The following ARHGAP35 variants were observed in gnomAD, a reference collection of about 807,000 sequenced individuals.
ARHGAP35 encodes the protein rho GTPase-activating protein 35.
In ARHGAP35, 15 loss-of-function variants were observed where a neutral mutation model predicts 111.1. The observed-to-expected ratio is 0.13, with a 90% confidence interval of 0.09 to 0.21. The LOEUF is 0.21. ARHGAP35 is among the 10% of genes least tolerant of loss of function. The probability of loss-of-function intolerance (pLI) is 1.00; values close to 1 mark genes in which losing one functional copy is unlikely to be tolerated. For synonymous variants in ARHGAP35, 643 were observed against 710.3 expected (o/e 0.91, Z 1.51); for missense variants, 1,262 against 1,873.0 (o/e 0.67, Z 6.02).
Position 46,989,767 on chromosome 19 carries a change from G to A in ARHGAP35, c.4036+92G>A. The A allele has an allele frequency of 1.3e-6, 2 of 1,574,258 alleles. No individual in the cohort carries two copies. The highest frequency in any genetic ancestry group is 1.7e-6 in the Non-Finnish European group (2 of 1,157,818). ...CCTGCCCTCAGAATGGATGCTGGCT[G>A]TTAGAGCTGAGGTTTGAAGGACAGA... On this transcript the variant is annotated intron_variant, in intron 5 of 6. Transcript: ENST00000672722. This position sits in a 1 kb window ranked among gnomAD's most constrained non-coding sequence, Gnocchi z 5.3.
chr19:46,953,429 C>T (rs753874360), intron 3 of ARHGAP35, among the ~76,000 whole-genome samples: 2 of 152,140 alleles, frequency 1.3e-5, no homozygotes, highest in East Asian at 1.9e-4. Flanking sequence ...CAAGTGCAAA[C>T]GTCCAGAGGC....
chr19:46,973,498 G>C (rs1413960031), intron 3 of ARHGAP35, among the ~76,000 whole-genome samples: 2 of 152,040 alleles, frequency 1.3e-5, no homozygotes, highest in Non-Finnish European at 1.5e-5. Context: ...GACTATCCTG[G>C]CTAACACAGT....
chr19:46,861,900 C>G (rs1009176567), intron 1 of ARHGAP35, among the ~76,000 whole-genome samples: 2 of 129,262 alleles, frequency 1.5e-5, no homozygotes, highest in South Asian at 4.9e-4. Context: ...GAATCCCGTT[C>G]CCTCGTGGGC....
At chr19:46,964,473 G>A (rs1221973087) in intron 3 of ARHGAP35, among the ~76,000 whole-genome samples, 1 of 152,134 alleles carries the variant, frequency 6.6e-6, no homozygotes, top group Non-Finnish European at 1.5e-5. Context: ...GCCCAAGCTG[G>A]TCTTGAACTC....
At chr19:46,987,375 C>T (rs556559818) in intron 3 of ARHGAP35, among the ~76,000 whole-genome samples, 1 of 151,758 alleles carries the variant, frequency 6.6e-6, no homozygotes, top group East Asian at 1.9e-4. Flanking sequence ...ACCACCACAC[C>T]CAGCTGATTT....
At chr19:46,887,544 A>G (rs2122145417) in intron 1 of ARHGAP35, among the ~76,000 whole-genome samples, 1 of 152,276 alleles carries the variant, frequency 6.6e-6, no homozygotes, top group East Asian at 1.9e-4. Context: ...TGTGACTAGC[A>G]AGAGCTTCCA....
chr19:46,946,942 T>C (rs1418401333), intron 3 of ARHGAP35: 1 of 152,218 alleles, frequency 6.6e-6, no homozygotes, highest in East Asian at 1.9e-4. Flanking sequence ...TGGGGTATCA[T>C]TGCCTGCACT....
intron 1 of ARHGAP35, among the ~76,000 whole-genome samples, chr19:46,877,361 G>A (rs1329729982): frequency 2.0e-5 from 3 of 151,594 alleles, no homozygotes; most frequent in Admixed American, 6.6e-5. Context: ...TCAGGAGTTC[G>A]AGACCAGCCT....
Position 47,002,321 on chromosome 19 carries a change from T to A in ARHGAP35, c.*1633T>A, listed in dbSNP as rs2056752770. On this transcript the variant is annotated 3_prime_UTR_variant, in exon 7 of 7. Transcript: ENST00000672722. ...CAGTGGTTGGAGACGGGAGTGGCCC[T>A]TCGGCTCCCGAGCTCCCTCTGGGGA... 1 of 152,740 alleles carries A rather than the reference T, an allele frequency of 6.5e-6. No individual in the cohort carries two copies. Among genetic ancestry groups the A allele is most frequent in the Admixed American group, 6.5e-5 (1 of 15,292 alleles). The allele number at this position is 152,740 out of a possible 1,614,324, so 9.5% of individuals were successfully genotyped here. A position where few individuals can be genotyped will look rare whatever the true frequency, so the allele number is the denominator to read the frequency against.
rs1599823786 is a variant in ARHGAP35, at chr19:46,926,104, A to T, written c.3681+3748A>T. 6.6e-6 allele frequency among the ~76,000 whole-genome samples: 1 copy of T among 152,304 alleles called. No individual in the cohort carries two copies. The highest frequency in any genetic ancestry group is 2.4e-5 in the African/African-American group (1 of 41,568). ...CCCTAGCAACCACCCTAACAAAAAA[A>T]TAGCTATGCTCTGGGTACCAATGTG... is the stretch of plus-strand genomic sequence containing the variant. On this transcript the variant is annotated intron_variant, in intron 2 of 6. Coordinates refer to ENST00000672722, the MANE Select transcript of ARHGAP35 (RefSeq NM_004491.5). This position sits in a 1 kb window ranked among gnomAD's most constrained non-coding sequence, Gnocchi z 4.1.
intron 1 of ARHGAP35, among the ~76,000 whole-genome samples, chr19:46,894,083 C>T (rs952874270): frequency 6.6e-6 from 1 of 151,976 alleles, no homozygotes; most frequent in African/African-American, 2.4e-5. Context: ...TTTTTAAGCA[C>T]AACTCTCTCC....
At chr19:46,902,235 G>A (rs1328908854) in intron 1 of ARHGAP35, among the ~76,000 whole-genome samples, 2 of 152,154 alleles carry the variant, frequency 1.3e-5, no homozygotes, top group Admixed American at 6.6e-5. Flanking sequence ...AAGTAGTAGA[G>A]GCAGCCTTTA....
intron 2 of ARHGAP35, among the ~76,000 whole-genome samples, chr19:46,924,605 G>A (rs2056228044): frequency 6.6e-6 from 1 of 152,230 alleles, no homozygotes; most frequent in Non-Finnish European, 1.5e-5. Flanking sequence ...CCTGTGGAAA[G>A]CATTGCTTAT....
intron 2 of ARHGAP35, among the ~76,000 whole-genome samples, chr19:46,932,712 CAAG>C (rs2056280084): frequency 6.6e-6 from 1 of 152,118 alleles, no homozygotes; most frequent in Non-Finnish European, 1.5e-5. Context: ...TCAGTTATCT[CAAG>C]GAGGTATTCT....
Position 46,922,141 on chromosome 19 carries a change from G to A in ARHGAP35, c.3466G>A (p.Val1156Met), listed in dbSNP as rs1232055485. The change falls in exon 2 of 7, where the codon GTG (valine) becomes ATG (methionine). Residue 1156 changes from valine (V) to methionine (M), a missense_variant. Physicochemically the swap from Val to Met is conservative, Grantham distance 21. This residue lies in a region of ARHGAP35 where 579 missense variants were observed against 716.9 expected (regional missense o/e 0.81). Transcript: ENST00000672722. This position sits in a 1 kb window ranked among gnomAD's most constrained non-coding sequence, Gnocchi z 4.0. ...GRKVSIVSKPVLYRTRCTRLG... is the reference protein window; with the variant it reads ...GRKVSIVSKPMLYRTRCTRLG... ...CAAGGTTTCCATCGTGAGCAAGCCAGTGCTGTACAGGACGAGATGCACCCG... is the reference window on the plus strand; with the variant it reads ...CAAGGTTTCCATCGTGAGCAAGCCAATGCTGTACAGGACGAGATGCACCCG... The A allele has an allele frequency of 3.1e-6, 5 of 1,613,916 alleles. No individual in the cohort carries two copies. In the South Asian group the frequency reaches 4.4e-5, roughly 14 times the overall value.
intron 3 of ARHGAP35, among the ~76,000 whole-genome samples, chr19:46,960,125 AAAG>A (rs1228440374): frequency 4.9e-4 from 74 of 151,496 alleles, no homozygotes; most frequent in African/African-American, 1.6e-3. Context: ...AAAAAAAAAA[AAAG>A]AAAGAAAGAA....
Position 46,929,790 on chromosome 19 carries a change from G to A in ARHGAP35, c.3681+7434G>A, listed in dbSNP as rs190813694. On this transcript the variant is annotated intron_variant, in intron 2 of 6. Transcript: ENST00000672722. ...TAGCCGGGCTTGGTGGCACATATAT[G>A]TTAATCCCAGCTACTCAGGAGGCTG... Among the ~76,000 whole-genome samples, 22 of 150,808 alleles carry A rather than the reference G, an allele frequency of 1.5e-4. No individual in the cohort carries two copies. In the East Asian group the frequency reaches 3.7e-3, roughly 26 times the overall value.
In ARHGAP35 at chr19:47,000,544, C is replaced by G. The variant is rs1219561517; in HGVS notation, c.4356C>G (p.Pro1452=). The G allele has an allele frequency of 1.2e-6, 2 of 1,613,416 alleles. No individual in the cohort carries two copies. Among genetic ancestry groups the G allele is most frequent in the African/African-American group, 1.3e-5 (1 of 74,876 alleles). Residue 1452 remains proline, a synonymous_variant, in exon 7 of 7, where the codon CCC becomes CCG. Transcript: ENST00000672722. The surrounding 1 kb of genome is among the most constrained non-coding windows in gnomAD (Gnocchi z 6.9). ...CCCCCGGCGCCAGGCCCAGCTCCCC[C>G]TCTGCCGTGGCTTCCACCGTCCCCT... is the stretch of plus-strand genomic sequence containing the variant. ...TEPPGARPSS[P]SAVASTVPFL...
chr19:46,885,931 T>A (rs948329578), intron 1 of ARHGAP35, among the ~76,000 whole-genome samples: 1 of 152,208 alleles, frequency 6.6e-6, no homozygotes, highest in Non-Finnish European at 1.5e-5. Flanking sequence ...TGCACCCAGC[T>A]ATAAATAGAT....
Sources: gnomAD v4.1 joint callset for allele counts (sites outside exome capture counted in the v4.1 genomes callset) on GRCh38, gnomAD v4.1.1 for gene constraint, gnomAD v4.1.1 regional missense constraint, Gnocchi (gnomAD v3.1) non-coding constraint, MANE v1.5 for transcripts, NCBI Gene and HGNC (gene_info 2026-07-23, HGNC 2026-07-21) for gene names.